The following LRMDA variants were observed in gnomAD, a reference collection of about 807,000 sequenced individuals.
The protein encoded by LRMDA is leucine rich melanocyte differentiation associated.
A neutral mutation model predicts 29.8 loss-of-function variants in LRMDA; 18 were observed. The ratio of observed to expected loss-of-function variants is 0.60; its 90% CI spans 0.42 to 0.90. The LOEUF (loss-of-function observed/expected upper bound fraction) is 0.90. Ranked by LOEUF, LRMDA falls within the 40% of genes least tolerant of loss-of-function variation. The pLI is 0.00. For synonymous variants in LRMDA, 125 were observed against 109.4 expected (o/e 1.14, Z -0.89); for missense variants, 273 against 273.9 (o/e 1.00, Z 0.02).
At chr10:75,698,181 C>T (rs988193799) in intron 2 of LRMDA, among the ~76,000 whole-genome samples, 1 of 152,168 alleles carries the variant, frequency 6.6e-6, no homozygotes, top group Non-Finnish European at 1.5e-5. Context: ...TCCCTGTTCC[C>T]ACCCCATTAG....
intron 5 of LRMDA, among the ~76,000 whole-genome samples, chr10:76,177,087 C>T (rs1477559819): frequency 6.6e-6 from 1 of 152,196 alleles, no homozygotes; most frequent in Non-Finnish European, 1.5e-5. Flanking sequence ...GGGAAAAGCA[C>T]AGCCTGTTCA....
chr10:75,454,397 G>A (rs928424927), intron 2 of LRMDA, among the ~76,000 whole-genome samples: 2 of 152,118 alleles, frequency 1.3e-5, no homozygotes, highest in African/African-American at 2.4e-5. Flanking sequence ...CCTTGCATCC[G>A]AGGCAGCCTC....
At chr10:76,288,641 C>A (rs544212733) in intron 5 of LRMDA, among the ~76,000 whole-genome samples, 1 of 152,306 alleles carries the variant, frequency 6.6e-6, no homozygotes, top group African/African-American at 2.4e-5. Flanking sequence ...AGTCTAAAAG[C>A]ATGGCTTCCC....
intron 5 of LRMDA, among the ~76,000 whole-genome samples, chr10:76,226,206 G>T (rs1273506140): frequency 6.6e-6 from 1 of 152,112 alleles, no homozygotes; most frequent in Non-Finnish European, 1.5e-5. Flanking sequence ...CAGTCATAGT[G>T]GAAGGGAAAG....
chr10:76,100,973 T>C (rs974721116), intron 5 of LRMDA, among the ~76,000 whole-genome samples: 31 of 151,800 alleles, frequency 2.0e-4, no homozygotes, highest in African/African-American at 7.3e-4. Context: ...CAGCAATCTA[T>C]TGAAAATTTT....
At chr10:75,681,337 G>A (rs1379096166) in intron 2 of LRMDA, among the ~76,000 whole-genome samples, 1 of 152,186 alleles carries the variant, frequency 6.6e-6, no homozygotes, top group Non-Finnish European at 1.5e-5. Flanking sequence ...TCATTTTCTG[G>A]TTGAGATTCT....
chr10:75,898,193 G>A (rs1017562921), intron 2 of LRMDA, among the ~76,000 whole-genome samples: 1 of 151,874 alleles, frequency 6.6e-6, no homozygotes, highest in Non-Finnish European at 1.5e-5. Flanking sequence ...AAAGACTATT[G>A]GTTTGAAACA....
In LRMDA at chr10:75,663,254, G is replaced by A. The variant is rs555400590; in HGVS notation, c.131+224760G>A. ...CTTCTCCTCCTCCCCGCCCTTAATG[G>A]GCCAAGGCTGTACTTCTGTTAGTGG... On this transcript the variant is annotated intron_variant, in intron 2 of 6. Coordinates refer to ENST00000611255, the MANE Select transcript of LRMDA (RefSeq NM_001305581.2). 1.7e-3 allele frequency among the ~76,000 whole-genome samples: 260 copies of A among 152,234 alleles called. 1 individual carries two copies. The highest frequency in any genetic ancestry group is 5.9e-3 in the African/African-American group (244 of 41,536).
intron 5 of LRMDA, among the ~76,000 whole-genome samples, chr10:76,174,282 C>CA (rs1564675007): frequency 1.3e-5 from 2 of 151,828 alleles, no homozygotes; most frequent in East Asian, 1.9e-4. Context: ...CCATTACCCA[C>CA]AAAAATTTTA....
intron 2 of LRMDA, among the ~76,000 whole-genome samples, chr10:75,632,783 T>C (rs12784204): frequency 1.6e-5 from 1 of 62,718 alleles, no homozygotes; most frequent in South Asian, 4.7e-4. Flanking sequence ...TTTAGTTTAG[T>C]TTTTTTTTTT....
chr10:76,243,625 T>G (rs77004670), intron 5 of LRMDA, among the ~76,000 whole-genome samples: 1 of 152,164 alleles, frequency 6.6e-6, no homozygotes, highest in Non-Finnish European at 1.5e-5. Flanking sequence ...GGATAACAAA[T>G]TCAGGGGCTG....
chr10:75,547,273 C>A (rs1479268193), intron 2 of LRMDA, among the ~76,000 whole-genome samples: 1 of 152,168 alleles, frequency 6.6e-6, no homozygotes, highest in Non-Finnish European at 1.5e-5. Context: ...AACATGCGAA[C>A]CACTTGTAGG....
Position 75,644,307 on chromosome 10 carries a change from A to T in LRMDA, c.131+205813A>T, listed in dbSNP as rs536557130. ...CAGCTGCCCTCAGGAAGGCATCACA[A>T]TTAAGGAGGGAAGGGGTTAATACAC... On this transcript the variant is annotated intron_variant, in intron 2 of 6. Transcript: ENST00000611255. Among the ~76,000 whole-genome samples, 68 of 152,304 alleles carry T rather than the reference A, an allele frequency of 4.5e-4. 1 individual carries two copies. The South Asian group carries it at 0.014, about 31-fold the overall frequency.
intron 2 of LRMDA, among the ~76,000 whole-genome samples, chr10:75,928,042 ACATCATCATCAT>A (rs3042520): frequency 1.9e-4 from 28 of 150,836 alleles, no homozygotes; most frequent in Non-Finnish European, 3.4e-4. Flanking sequence ...TTTTAGTTTA[ACATCATCATCAT>A]CATCATCATC....
At chr10:75,503,184 GTTTTT>G (rs577316418) in intron 2 of LRMDA, among the ~76,000 whole-genome samples, 4 of 144,586 alleles carry the variant, frequency 2.8e-5, no homozygotes, top group Non-Finnish European at 4.6e-5. Flanking sequence ...TTGATAGCCT[GTTTTT>G]TTTTTTTTTA....
chr10:75,486,585 G>A (rs1349489790), intron 2 of LRMDA, among the ~76,000 whole-genome samples: 1 of 152,122 alleles, frequency 6.6e-6, no homozygotes, highest in East Asian at 1.9e-4. Flanking sequence ...TGCAGGAGAT[G>A]AGTCTTGAAG....
At chr10:75,632,782 G>GTTTTTTTTTTTTTTTTTTTTTTTT (rs386371855) in intron 2 of LRMDA, among the ~76,000 whole-genome samples, 3 of 43,256 alleles carry the variant, frequency 6.9e-5, no homozygotes, top group Non-Finnish European at 1.4e-4. Flanking sequence ...GTTTAGTTTA[G>GTTTTTTTTTTTTTTTTTTTTTTTT]TTTTTTTTTT....
intron 2 of LRMDA, among the ~76,000 whole-genome samples, chr10:75,725,215 G>C (rs910172546): frequency 6.6e-6 from 1 of 152,078 alleles, no homozygotes; most frequent in African/African-American, 2.4e-5. Flanking sequence ...TTTCCCAAAG[G>C]CCAGTGCCAC....
At chr10:76,399,938 G>C (rs186779000) in intron 6 of LRMDA, among the ~76,000 whole-genome samples, 1 of 152,174 alleles carries the variant, frequency 6.6e-6, no homozygotes, top group East Asian at 1.9e-4. Context: ...TTCTAAGATG[G>C]TCCTTATAAT....
Sources: gnomAD v4.1 joint callset for allele counts (sites outside exome capture counted in the v4.1 genomes callset) on GRCh38, gnomAD v4.1.1 for gene constraint, MANE v1.5 for transcripts, NCBI Gene and HGNC (gene_info 2026-07-23, HGNC 2026-07-21) for gene names.